The following SLC9A9 variants were observed in gnomAD, a reference collection of about 807,000 sequenced individuals.
SLC9A9 encodes the protein solute carrier family 9 member A9.
Under a neutral mutation model 77.8 loss-of-function variants are expected in SLC9A9, and 62 were observed. The observed-to-expected ratio is 0.80, with a 90% CI of 0.65 to 0.98. SLC9A9 has a LOEUF of 0.98. Ranked by LOEUF, SLC9A9 falls within the 50% of genes least tolerant of loss-of-function variation. The pLI is 0.00. For synonymous variants in SLC9A9, 320 were observed against 283.5 expected, an observed-to-expected ratio of 1.13 and a Z score of -1.29; for missense variants, 775 against 774.9, an observed-to-expected ratio of 1.00 and a Z score of 0.00.
chr3:143,518,765 C>T (rs888851567), intron 9 of SLC9A9, among the ~76,000 whole-genome samples: 1 of 152,176 alleles, frequency 6.6e-6, no homozygotes. Context: ...AAATGTGTTT[C>T]CACATATCTA....
chr3:143,499,725 T>G (rs1312231502), intron 9 of SLC9A9, among the ~76,000 whole-genome samples: 1 of 152,192 alleles, frequency 6.6e-6, no homozygotes, highest in Non-Finnish European at 1.5e-5. Context: ...CATTTTTCAC[T>G]ATTTCTCTAT....
At chr3:143,433,147 GA>G (rs1321041704) in intron 12 of SLC9A9, among the ~76,000 whole-genome samples, 1 of 152,194 alleles carries the variant, frequency 6.6e-6, no homozygotes, top group Non-Finnish European at 1.5e-5. Context: ...CTTGATGACA[GA>G]AATCAATCTT....
At chr3:143,626,046 C>A (rs2038318170) in intron 6 of SLC9A9, among the ~76,000 whole-genome samples, 1 of 152,188 alleles carries the variant, frequency 6.6e-6, no homozygotes, top group African/African-American at 2.4e-5. Context: ...CAGAGAAATG[C>A]AAATCAAAAC....
chr3:143,631,635 G>A (rs1252193607), intron 6 of SLC9A9, among the ~76,000 whole-genome samples: 4 of 152,002 alleles, frequency 2.6e-5, no homozygotes, highest in Non-Finnish European at 2.9e-5. Flanking sequence ...ATACCCCATA[G>A]CAAATGGTCC....
At chr3:143,342,018 A>G (rs548602898) in intron 14 of SLC9A9, among the ~76,000 whole-genome samples, 1 of 152,306 alleles carries the variant, frequency 6.6e-6, no homozygotes, top group South Asian at 2.1e-4. Flanking sequence ...GAGCTGTGTT[A>G]TGGGAATACC....
At chr3:143,543,690 C>T (rs1482943877) in intron 9 of SLC9A9, among the ~76,000 whole-genome samples, 1 of 151,076 alleles carries the variant, frequency 6.6e-6, no homozygotes, top group Admixed American at 6.6e-5. Flanking sequence ...TGGCCTCCAG[C>T]TGCATCCATG....
At chr3:143,540,693 A>T (rs978471569) in intron 9 of SLC9A9, among the ~76,000 whole-genome samples, 2 of 152,252 alleles carry the variant, frequency 1.3e-5, no homozygotes, top group Admixed American at 1.3e-4. Flanking sequence ...TACAAAGGAC[A>T]TTAAAAACAA....
chr3:143,560,097 G>T (rs998241129), intron 8 of SLC9A9, among the ~76,000 whole-genome samples: 2 of 152,214 alleles, frequency 1.3e-5, no homozygotes, highest in Non-Finnish European at 2.9e-5. Context: ...AATCCACAAG[G>T]CAATGATTTC....
intron 5 of SLC9A9, among the ~76,000 whole-genome samples, chr3:143,689,886 T>A (rs1366803177): frequency 6.6e-6 from 1 of 151,990 alleles, no homozygotes; most frequent in East Asian, 1.9e-4. Context: ...CACTGAAAAT[T>A]TAGGGTAAAG....
chr3:143,823,655 A>C (rs1278403558), intron 2 of SLC9A9, among the ~76,000 whole-genome samples: 3 of 152,050 alleles, frequency 2.0e-5, no homozygotes, highest in Non-Finnish European at 4.4e-5. Flanking sequence ...CAAAAATAAA[A>C]AATAAAAAAA....
At chr3:143,612,235 AG>A (rs2038034946) in intron 6 of SLC9A9, among the ~76,000 whole-genome samples, 1 of 152,248 alleles carries the variant, frequency 6.6e-6, no homozygotes, top group African/African-American at 2.4e-5. Flanking sequence ...ATGTCACTAC[AG>A]CAGCATAGCA....
Position 143,265,948 on chromosome 3 carries a change from G to C in SLC9A9, c.*754C>G, listed in dbSNP as rs141724453. On this transcript the variant is annotated 3_prime_UTR_variant, in exon 16 of 16. Coordinates refer to ENST00000316549, the MANE Select transcript of SLC9A9 (RefSeq NM_173653.4). ...CTCACATGCAGGCAAGGACGGGAAG[G>C]CTTGTTCTTCAGGCACAACGTGGTA... 93 of 658,872 alleles carry C rather than the reference G, an allele frequency of 1.4e-4. No individual in the cohort carries two copies. The highest frequency in any genetic ancestry group is 7.6e-4 in the East Asian group (28 of 36,726). The allele number at this position is 658,872 out of a possible 1,614,324, so 40.8% of individuals were successfully genotyped here. A position where few individuals can be genotyped will look rare whatever the true frequency, so the allele number is the denominator to read the frequency against.
At chr3:143,538,275 T>A in intron 9 of SLC9A9, among the ~76,000 whole-genome samples, 1 of 152,194 alleles carries the variant, frequency 6.6e-6, no homozygotes, top group African/African-American at 2.4e-5. Context: ...GTCTCTAGTA[T>A]GCTTGGATGA....
At chr3:143,834,571 C>CTTTTTTTT (rs5853131) in intron 1 of SLC9A9, among the ~76,000 whole-genome samples, 1 of 116,940 alleles carries the variant, frequency 8.6e-6, no homozygotes, top group Non-Finnish European at 1.7e-5. Context: ...GCGAGGCACT[C>CTTTTTTTT]TTTTTTTTTT....
intron 8 of SLC9A9, among the ~76,000 whole-genome samples, chr3:143,563,179 A>G (rs1017467060): frequency 5.3e-5 from 8 of 152,178 alleles, no homozygotes; most frequent in African/African-American, 1.9e-4. Flanking sequence ...GAAATTTAGG[A>G]AACAGCATGA....
chr3:143,327,789 A>G (rs755329101), intron 14 of SLC9A9, among the ~76,000 whole-genome samples: 1 of 152,208 alleles, frequency 6.6e-6, no homozygotes, highest in Non-Finnish European at 1.5e-5. Context: ...CTGTTCAGCA[A>G]TGTGGTACTA....
chr3:143,506,363 T>C (rs1237150205), intron 9 of SLC9A9, among the ~76,000 whole-genome samples: 2 of 152,190 alleles, frequency 1.3e-5, no homozygotes, highest in Non-Finnish European at 2.9e-5. Flanking sequence ...TGAATGGCAT[T>C]TTTGGACCTA....
At chr3:143,829,492 C>T (rs1177850863) in intron 2 of SLC9A9, among the ~76,000 whole-genome samples, 1 of 152,084 alleles carries the variant, frequency 6.6e-6, no homozygotes, top group Non-Finnish European at 1.5e-5. Context: ...GTGCCATCTC[C>T]CCAAGAAGCT....
rs753188481 is a variant in SLC9A9, at chr3:143,363,482, A to G, written c.1604+2T>C. The G allele has an allele frequency of 6.2e-7, 1 of 1,611,550 alleles. No individual in the cohort carries two copies. Among genetic ancestry groups the G allele is most frequent in the Non-Finnish European group, 8.5e-7 (1 of 1,177,904 alleles). ...TGTGAGATCGTTATTATCAAAGGAT[A>G]CTTGTGGTCAAAGCTATACCACATT... On this transcript the variant is annotated splice_donor_variant, in intron 14 of 15. Transcript: ENST00000316549. LOFTEE classifies it high-confidence loss of function.
Sources: gnomAD v4.1 joint callset for allele counts (sites outside exome capture counted in the v4.1 genomes callset) on GRCh38, gnomAD v4.1.1 for gene constraint, MANE v1.5 for transcripts, NCBI Gene and HGNC (gene_info 2026-07-23, HGNC 2026-07-21) for gene names.